The following CD163L1 variants were observed in gnomAD, a reference collection of about 807,000 sequenced individuals.
The protein encoded by CD163L1 is CD163 molecule like 1.
A neutral mutation model predicts 165.4 loss-of-function variants in CD163L1; 124 were observed. The observed-to-expected ratio is 0.75, with a 90% CI of 0.65 to 0.87. CD163L1 has a LOEUF of 0.87. CD163L1 is among the 40% of genes least tolerant of loss of function. The pLI, the probability that CD163L1 is intolerant of heterozygous loss-of-function variation, is 0.00. For missense variants in CD163L1, 1,525 were observed against 1,799.9 expected (o/e 0.85, Z 2.76); for synonymous variants, 585 against 662.2 (o/e 0.88, Z 1.79).
chr12:7,359,982 T>C (rs1946857830), intron 18 of CD163L1, among the ~76,000 whole-genome samples: 1 of 152,154 alleles, frequency 6.6e-6, no homozygotes, highest in African/African-American at 2.4e-5. Flanking sequence ...ATGATGTGTC[T>C]GGGAATGTAT....
rs549036645 is a variant in CD163L1 at position 7,349,168 on chromosome 12, G to T, written c.*25-2021C>A. Among the ~76,000 whole-genome samples, 31 of 152,288 alleles carry T rather than the reference G, an allele frequency of 2.0e-4. No individual in the cohort carries two copies. In the South Asian group the frequency reaches 3.7e-3, roughly 18 times the overall value. On this transcript the variant is annotated intron_variant, in intron 4 of 4. Coordinates refer to the CD163L1 transcript ENST00000539726. Reference sequence around the variant, plus strand: ...TGGAAATCCAGAAATGGCAGGTAGAGCACATCAGAAATTACTTTCTTATCT... The same window carrying T: ...TGGAAATCCAGAAATGGCAGGTAGATCACATCAGAAATTACTTTCTTATCT...
Position 7,374,732 on chromosome 12 carries a change from T to C in CD163L1, c.3119A>G (p.Asp1040Gly), listed in dbSNP as rs1451795752. The C allele has an allele frequency of 1.2e-6, 2 of 1,613,702 alleles. No homozygotes were observed. Among genetic ancestry groups the C allele is most frequent in the Non-Finnish European group, 8.5e-7 (1 of 1,179,806 alleles). The change falls in exon 13 of 20, where the codon GAT (aspartate) becomes GGT (glycine). Residue 1040 changes from aspartate (D) to glycine (G), a missense_variant. Coordinates refer to ENST00000313599, the MANE Select transcript of CD163L1 (RefSeq NM_174941.6). This position sits in a 1 kb window ranked among gnomAD's most constrained non-coding sequence, Gnocchi z 5.4. ...TCTCCCGGCACAGCGGCTGTCCCCA[T>C]CCACTAGGCGGAGCCGTTTGTCCTC... ...CLEDKRLRLVDGDSRCAGRVE... is the reference protein window; with the variant it reads ...CLEDKRLRLVGGDSRCAGRVE...
chr12:7,348,969 C>T (rs1465403640), intron 4 of CD163L1, among the ~76,000 whole-genome samples: 1 of 151,970 alleles, frequency 6.6e-6, no homozygotes, highest in Admixed American at 6.5e-5. Flanking sequence ...TTGTGAGCTC[C>T]CTCCTCTGAG....
Position 7,369,709 on chromosome 12 carries a change from T to C in CD163L1, c.3731-44A>G, listed in dbSNP as rs373871961. On this transcript the variant is annotated intron_variant, in intron 14 of 19. Coordinates refer to ENST00000313599, the MANE Select transcript of CD163L1 (RefSeq NM_174941.6). This position sits in a 1 kb window ranked among gnomAD's most constrained non-coding sequence, Gnocchi z 4.9. The stretch of plus-strand genomic sequence containing the variant: ...TGGCTGTCTTTACTCCTGAAGGAGG[T>C]TGTGGGAGAATGCTGAGGTAGAAAA... 1.6e-4 allele frequency: 251 copies of C among 1,563,048 alleles called. No homozygotes were observed. Among genetic ancestry groups the C allele is most frequent in the Non-Finnish European group, 2.0e-4 (229 of 1,145,336 alleles).
chr12:7,435,019 G>A (rs768033724), intron 2 of CD163L1, among the ~76,000 whole-genome samples: 1 of 151,932 alleles, frequency 6.6e-6, no homozygotes, highest in Non-Finnish European at 1.5e-5. Flanking sequence ...GTGTGTGAGG[G>A]GCATTCTAAT....
At chr12:7,415,569 C>G (rs1948220298) in intron 4 of CD163L1, among the ~76,000 whole-genome samples, 1 of 152,124 alleles carries the variant, frequency 6.6e-6, no homozygotes, top group South Asian at 2.1e-4. Context: ...AATGCTATCA[C>G]TCCCCTACCC....
At chr12:7,385,645 A>G (rs1319558696) in intron 8 of CD163L1, among the ~76,000 whole-genome samples, 2 of 152,082 alleles carry the variant, frequency 1.3e-5, no homozygotes, top group Non-Finnish European at 2.9e-5. Flanking sequence ...TAAAAATTAC[A>G]ATTATATAAA....
At position 7,369,460 on chromosome 12, in the gene CD163L1, G is replaced by A; in HGVS notation, c.3936C>T (p.Asp1312=). 1 of 1,614,182 alleles carries A rather than the reference G, an allele frequency of 6.2e-7. No individual in the cohort carries two copies. Among genetic ancestry groups the A allele is most frequent in the Non-Finnish European group, 8.5e-7 (1 of 1,180,038 alleles). ...GQGTGTIWLD[D]MRCKGNESFL... is the part of the protein sequence containing the mutation. ...ATGACTCATTTCCTTTGCACCGCAT[G>A]TCATCCAACCAGATGGTTCCAGTTC... is the stretch of plus-strand genomic sequence containing the variant. Residue 1312 remains aspartate, a synonymous_variant, in exon 15 of 20, where the codon GAC becomes GAT. Coordinates refer to ENST00000313599, the MANE Select transcript of CD163L1 (RefSeq NM_174941.6). The surrounding 1 kb of genome is among the most constrained non-coding windows in gnomAD (Gnocchi z 4.9).
In CD163L1 at chr12:7,400,359, C is replaced by A. The variant is rs145993093; in HGVS notation, c.1409-1775G>T. ...ATAATATGTATCATTTCCAGATATA[C>A]TAAATAAAAATTCATAGAAACAAAG... On this transcript the variant is annotated intron_variant, in intron 6 of 19. Transcript: ENST00000313599. The surrounding 1 kb of genome is among the most constrained non-coding windows in gnomAD (Gnocchi z 4.1). 5.3e-4 allele frequency among the ~76,000 whole-genome samples: 80 copies of A among 152,102 alleles called. No individual in the cohort carries two copies. The highest frequency in any genetic ancestry group is 6.5e-4 in the Non-Finnish European group (44 of 67,990).
intron 4 of CD163L1, among the ~76,000 whole-genome samples, chr12:7,430,554 T>A (rs987144544): frequency 1.3e-5 from 2 of 152,220 alleles, no homozygotes; most frequent in Non-Finnish European, 2.9e-5. Flanking sequence ...ACTGTGCTAA[T>A]TGTTAGGAAT....
chr12:7,382,475 G>A (rs1363605937), intron 8 of CD163L1, among the ~76,000 whole-genome samples: 1 of 152,196 alleles, frequency 6.6e-6, no homozygotes, highest in African/African-American at 2.4e-5. Flanking sequence ...AGAGAAAGAA[G>A]TGAAGCAATT....
Position 7,432,450 on chromosome 12 carries a change from G to C in CD163L1, c.732C>G (p.Cys244Trp). The C allele has an allele frequency of 1.2e-6, 2 of 1,613,636 alleles. No individual in the cohort carries two copies. Among genetic ancestry groups the C allele is most frequent in the Non-Finnish European group, 1.7e-6 (2 of 1,179,666 alleles). Residue 244 changes from cysteine to tryptophan, a missense_variant, in exon 4 of 20, where the codon TGC (cysteine) becomes TGG (tryptophan). Cys to Trp is a radical substitution (Grantham distance 215). Transcript: ENST00000313599. The surrounding 1 kb of genome is among the most constrained non-coding windows in gnomAD (Gnocchi z 4.2). ...CRHRGWGNHD[C>W]SHNEDVTLTC... ...TTAATGTGACATCCTCATTGTGACT[G>C]CAGTCATGATTTCCCCATCCACGAT...
intron 8 of CD163L1, among the ~76,000 whole-genome samples, chr12:7,382,793 C>T (rs1947438976): frequency 6.6e-6 from 1 of 152,154 alleles, no homozygotes; most frequent in African/African-American, 2.4e-5. Context: ...TGTCCTGGGC[C>T]CCAGTAAGCC....
chr12:7,421,454 TAC>T (rs1948394985), intron 4 of CD163L1, among the ~76,000 whole-genome samples: 1 of 114,874 alleles, frequency 8.7e-6, no homozygotes, highest in Non-Finnish European at 1.7e-5. Context: ...TACATATATG[TAC>T]ATATATACAT....
Position 7,379,122 on chromosome 12 carries a change from G to A in CD163L1, c.2227C>T (p.Pro743Ser), listed in dbSNP as rs768403053. The change falls in exon 9 of 20, where the codon CCT (proline) becomes TCT (serine). Residue 743 changes from proline (P) to serine (S), a missense_variant. By Grantham distance (74) the Pro-to-Ser change is moderately conservative. Transcript: ENST00000313599. ...CGSAIRVSRE[P>S]HFTERTLHIL... is the part of the protein sequence containing the mutation. ...TGTAATGTTCTTTCTGTGAAATGAG[G>A]CTCTCTGGAGACCCTGATTGCAGAC... The A allele has an allele frequency of 1.2e-6, 2 of 1,614,074 alleles. No homozygotes were observed. The highest frequency in any genetic ancestry group is 1.7e-6 in the Non-Finnish European group (2 of 1,179,998).
chr12:7,391,119 T>C (rs1437115146), intron 8 of CD163L1, among the ~76,000 whole-genome samples: 1 of 152,094 alleles, frequency 6.6e-6, no homozygotes, highest in East Asian at 1.9e-4. Context: ...GGCCTGCAGC[T>C]GAGGGACCTG....
At chr12:7,434,981 T>C (rs898247341) in intron 2 of CD163L1, among the ~76,000 whole-genome samples, 3 of 152,172 alleles carry the variant, frequency 2.0e-5, no homozygotes, top group East Asian at 3.8e-4. Context: ...TTTCTTTCTA[T>C]ATGAACATTT....
intron 4 of CD163L1, among the ~76,000 whole-genome samples, chr12:7,418,174 T>A (rs916356258): frequency 1.3e-5 from 2 of 152,000 alleles, no homozygotes; most frequent in Non-Finnish European, 2.9e-5. Flanking sequence ...ACCAAAATTA[T>A]ATCAAGTACA....
At position 7,378,995 on chromosome 12, in the gene CD163L1, G is replaced by A. The variant is rs745633067; in HGVS notation, c.2354C>T (p.Ala785Val). 2 of 1,605,024 alleles carry A rather than the reference G, an allele frequency of 1.2e-6. No homozygotes were observed. The highest frequency in any genetic ancestry group is 1.7e-6 in the Non-Finnish European group (2 of 1,172,280). The change falls in exon 9 of 20, where the codon GCA (alanine) becomes GTA (valine). Residue 785 changes from alanine to valine, a missense_variant. Coordinates refer to ENST00000313599, the MANE Select transcript of CD163L1 (RefSeq NM_174941.6). Reference protein sequence around the residue: ...KQTACHLNMEASLICSAHRQP... With the variant: ...KQTACHLNMEVSLICSAHRQP... The stretch of plus-strand genomic sequence containing the variant: ...GAAATTACCTGAGCAGATCAAACTT[G>A]CTTCCATATTTAAATGACACGCAGT...
Sources: allele counts gnomAD v4.1 joint callset (sites outside exome capture counted in the v4.1 genomes callset), GRCh38; gene constraint gnomAD v4.1.1; non-coding constraint Gnocchi (gnomAD v3.1); transcripts MANE v1.5; gene names NCBI Gene and HGNC (gene_info 2026-07-23, HGNC 2026-07-21).